WDFY2: variants seen among roughly 807,000 people sequenced by gnomAD.
WDFY2 encodes WD repeat and FYVE domain-containing protein 2.
WDFY2 carries 36 observed loss-of-function variants against 56.4 expected under a neutral mutation model. That is an observed-to-expected ratio of 0.64 (90% CI 0.49 to 0.84). WDFY2 has a LOEUF of 0.84. WDFY2 is among the 40% of genes least tolerant of loss of function. The probability of loss-of-function intolerance (pLI) is 0.00; values close to 1 mark genes in which losing one functional copy is unlikely to be tolerated. For synonymous variants in WDFY2, 176 were observed against 183.7 expected (o/e 0.96, Z 0.34); for missense variants, 444 against 512.2 (o/e 0.87, Z 1.29).
chr13:51,742,076 C>T (rs1004133917), intron 7 of WDFY2, among the ~76,000 whole-genome samples: 1 of 152,154 alleles, frequency 6.6e-6, no homozygotes, highest in Non-Finnish European at 1.5e-5. Flanking sequence ...GCAGACTGGC[C>T]TCCCCAGGAT....
At chr13:51,586,142 G>A (rs889177134) in intron 1 of WDFY2, 3 of 398,280 alleles carry the variant, frequency 7.5e-6, no homozygotes, top group Middle Eastern at 6.2e-4. Flanking sequence ...TCACAGAGAA[G>A]CCTTATGAGA....
intron 1 of WDFY2, among the ~76,000 whole-genome samples, chr13:51,637,477 T>C (rs79793679): frequency 1.3e-5 from 2 of 152,110 alleles, no homozygotes; most frequent in African/African-American, 2.4e-5. Context: ...GTTTTTGTTA[T>C]TGTTTTTTTG....
intron 6 of WDFY2, among the ~76,000 whole-genome samples, 162 bp downstream of exon 6, chr13:51,727,952 A>T (rs1952640978): frequency 1.3e-5 from 2 of 152,266 alleles, no homozygotes; most frequent in Non-Finnish European, 1.5e-5. Context: ...GTTCAGTAAG[A>T]TATAACATCA....
chr13:51,742,034 G>T (rs1179066718), intron 7 of WDFY2, among the ~76,000 whole-genome samples: 1 of 152,128 alleles, frequency 6.6e-6, no homozygotes, highest in Non-Finnish European at 1.5e-5. Flanking sequence ...CCAAATTAGG[G>T]GCATAATTGG....
At chr13:51,721,350 G>T (rs142358138) in intron 5 of WDFY2, among the ~76,000 whole-genome samples, 163 of 152,098 alleles carry the variant, frequency 1.1e-3, no homozygotes, top group African/African-American at 3.9e-3. Context: ...GCTGGTTTCT[G>T]TATCACTTAG....
intron 9 of WDFY2, 103 bp from the exon 10 acceptor site, chr13:51,756,229 C>T (rs1953376252): frequency 6.7e-7 from 1 of 1,482,070 alleles, no homozygotes; most frequent in Non-Finnish European, 9.1e-7. Context: ...GCATCCTCAC[C>T]TGGATGCAGT....
intron 1 of WDFY2, among the ~76,000 whole-genome samples, chr13:51,642,514 T>C (rs1955187146): frequency 6.6e-6 from 1 of 152,056 alleles, no homozygotes; most frequent in Non-Finnish European, 1.5e-5. Flanking sequence ...CCCAAGCTGA[T>C]CTGGAACTCT....
chr13:51,764,306 G>A lies in WDFY2; in HGVS notation c.*4537G>A, dbSNP rs1953679228. ...TTCAGTGCAATGTGGTTATGATAGA[G>A]GCATGCCAGGGTGCCACTAACCCAG... On this transcript the variant is annotated 3_prime_UTR_variant, in exon 12 of 12. Transcript: ENST00000298125. The A allele has an allele frequency of 2.0e-5, 3 of 152,356 alleles. No individual in the cohort carries two copies. Among genetic ancestry groups the A allele is most frequent in the Admixed American group, 1.3e-4 (2 of 15,280 alleles). 9.4% of individuals were successfully genotyped at this position (152,356 alleles called of 1,614,324 possible). A position where few individuals can be genotyped will look rare whatever the true frequency, so the allele number is the denominator to read the frequency against.
intron 6 of WDFY2, among the ~76,000 whole-genome samples, chr13:51,728,342 A>G (rs539418170): frequency 6.6e-5 from 10 of 152,292 alleles, no homozygotes; most frequent in Middle Eastern, 3.4e-3. Context: ...TGCTTTGCTC[A>G]GGGTCACTTA....
At chr13:51,750,138 C>A (rs1953196193) in intron 7 of WDFY2, among the ~76,000 whole-genome samples, 1 of 152,126 alleles carries the variant, frequency 6.6e-6, no homozygotes, top group Non-Finnish European at 1.5e-5. Flanking sequence ...ACTGAATTGG[C>A]TAGCAGTTTC....
At chr13:51,743,304 G>A (rs1230743167) in intron 7 of WDFY2, among the ~76,000 whole-genome samples, 1 of 152,204 alleles carries the variant, frequency 6.6e-6, no homozygotes, top group Non-Finnish European at 1.5e-5. Flanking sequence ...TCTGAGTCAG[G>A]TCAAACTATA....
intron 3 of WDFY2, among the ~76,000 whole-genome samples, chr13:51,680,929 A>G (rs906068796): frequency 6.6e-6 from 1 of 152,180 alleles, no homozygotes; most frequent in Non-Finnish European, 1.5e-5. Context: ...GGTATTCACT[A>G]GTGAATTAGG....
intron 2 of WDFY2, among the ~76,000 whole-genome samples, chr13:51,667,583 C>T (rs1452371660): frequency 6.6e-6 from 1 of 152,056 alleles, no homozygotes; most frequent in Admixed American, 6.5e-5. Flanking sequence ...GATTGTTTTC[C>T]TGACTTTTAA....
At chr13:51,688,003 G>GGA (rs772007099) in intron 3 of WDFY2, among the ~76,000 whole-genome samples, 7 of 152,196 alleles carry the variant, frequency 4.6e-5, no homozygotes, top group Non-Finnish European at 8.8e-5. Context: ...TAGTTTACTT[G>GGA]GAAATGCATT....
intron 6 of WDFY2, among the ~76,000 whole-genome samples, chr13:51,729,137 C>T (rs375535659): frequency 6.6e-6 from 1 of 152,178 alleles, no homozygotes; most frequent in African/African-American, 2.4e-5. Flanking sequence ...CTTGGCAAGC[C>T]TGTCTGATTC....
chr13:51,719,084 G>C (rs1952429728), intron 4 of WDFY2, 114 bp from the exon 5 acceptor site: 1 of 1,433,436 alleles, frequency 7.0e-7, no homozygotes, highest in African/African-American at 1.4e-5. Context: ...AAATGGTTCT[G>C]CTGTTCAGCT....
intron 1 of WDFY2, among the ~76,000 whole-genome samples, chr13:51,628,130 C>T (rs1482089601): frequency 6.6e-6 from 1 of 152,190 alleles, no homozygotes; most frequent in African/African-American, 2.4e-5. Context: ...TGTCTGCGTC[C>T]TGGCATCAAC....
intron 7 of WDFY2, among the ~76,000 whole-genome samples, 170 bp downstream of exon 7, chr13:51,739,345 A>G (rs1336219411): frequency 6.6e-6 from 1 of 152,222 alleles, no homozygotes; most frequent in Non-Finnish European, 1.5e-5. Context: ...GTGTTTATAT[A>G]CTTATACCCC....
In WDFY2 at chr13:51,675,227, A is replaced by G; in HGVS notation, c.263A>G (p.Asp88Gly). ...PETRRLSIGL[D>G]NGTISEFILS... ...ACAAGAAGACTGTCCATAGGTCTAG[A>G]CAATGGTACAATCTCAGTAAGTACA... The change falls in exon 3 of 12, where the codon GAC becomes GGC. Residue 88 changes from aspartate (D) to glycine (G), a missense_variant. Transcript: ENST00000298125. 6.2e-7 allele frequency: 1 copy of G among 1,613,638 alleles called. No homozygotes were observed. The highest frequency in any genetic ancestry group is 8.5e-7 in the Non-Finnish European group (1 of 1,179,578).
Sources: allele counts gnomAD v4.1 joint callset (sites outside exome capture counted in the v4.1 genomes callset), GRCh38; gene constraint gnomAD v4.1.1; transcripts MANE v1.5; gene names NCBI Gene and HGNC (gene_info 2026-07-23, HGNC 2026-07-21).